SLC45A4: variants seen among roughly 807,000 people sequenced by gnomAD.
The protein encoded by SLC45A4 is solute carrier family 45 member 4.
SLC45A4 carries 32 observed loss-of-function variants against 63.7 expected under a neutral mutation model. The observed-to-expected ratio is 0.50, with a 90% CI of 0.38 to 0.67. SLC45A4 has a LOEUF of 0.67. Among genes scored for constraint, SLC45A4 ranks in the 30% least tolerant of loss-of-function variants. The pLI is 0.00. For missense variants in SLC45A4, 1,027 were observed against 1,157.7 expected, an observed-to-expected ratio of 0.89 and a Z score of 1.64; for synonymous variants, 535 against 510.0, an observed-to-expected ratio of 1.05 and a Z score of -0.66.
chr8:141,271,186 A>G (rs953166597), intron 1 of SLC45A4, among the ~76,000 whole-genome samples: 5 of 152,218 alleles, frequency 3.3e-5, no homozygotes, highest in African/African-American at 1.2e-4. Flanking sequence ...AACTGAGCTT[A>G]CTGGAAGAGC....
At chr8:141,212,587 G>C in intron 7 of SLC45A4, 31 bp from the exon 8 acceptor site, 1 of 1,562,806 alleles carries the variant, frequency 6.4e-7, no homozygotes, top group Non-Finnish European at 8.7e-7. Flanking sequence ...GGCGGTGAGC[G>C]GCTGGAGAAG....
intron 1 of SLC45A4, among the ~76,000 whole-genome samples, chr8:141,282,217 G>C (rs1829978885): frequency 1.3e-5 from 2 of 152,176 alleles, no homozygotes; most frequent in South Asian, 4.1e-4. Flanking sequence ...TAGAAACAGA[G>C]CCCGGGAGGC....
intron 1 of SLC45A4, among the ~76,000 whole-genome samples, chr8:141,298,738 G>A: frequency 6.6e-6 from 1 of 152,186 alleles, no homozygotes; most frequent in East Asian, 1.9e-4. Context: ...GAGGGGTGTG[G>A]GAACTAGCAT....
At position 141,221,681 on chromosome 8, in the gene SLC45A4, C is replaced by G. The variant is rs1480763946; in HGVS notation, c.326G>C (p.Ser109Thr). 4.3e-6 allele frequency: 7 copies of G among 1,614,126 alleles called. No individual in the cohort carries two copies. Among genetic ancestry groups the G allele is most frequent in the Non-Finnish European group, 5.1e-6 (6 of 1,180,038 alleles). The change falls in exon 3 of 9, where the codon AGT becomes ACT. Residue 109 changes from serine (S) to threonine (T), a missense_variant. Transcript: ENST00000517878. ...GCCCCAGCTCAGGGTGCACCGGTCA[C>G]TCGCAGACCCAATGAGAGGTGTGAA... ...LIFTPLIGSA[S>T]DRCTLSWGRR...
intron 1 of SLC45A4, among the ~76,000 whole-genome samples, chr8:141,271,929 AC>A (rs1323833467): frequency 6.6e-6 from 1 of 152,122 alleles, no homozygotes; most frequent in Non-Finnish European, 1.5e-5. Flanking sequence ...TGTGCAACAC[AC>A]ACCTGCATTC....
At chr8:141,289,146 A>C (rs918285639) in intron 1 of SLC45A4, among the ~76,000 whole-genome samples, 4 of 152,186 alleles carry the variant, frequency 2.6e-5, no homozygotes, top group African/African-American at 9.7e-5. Flanking sequence ...AGGCGGTGCC[A>C]GGGAACAGTG....
At position 141,209,888 on chromosome 8, in the gene SLC45A4, T is replaced by C. The variant is rs1254517584; in HGVS notation, c.*1684A>G. The C allele has an allele frequency of 1.3e-5, 2 of 152,290 alleles. No homozygotes were observed. The highest frequency in any genetic ancestry group is 3.8e-4 in the East Asian group (2 of 5,202). 9.4% of individuals were successfully genotyped at this position (152,290 alleles called of 1,614,324 possible). On this transcript the variant is annotated 3_prime_UTR_variant, in exon 9 of 9. Transcript: ENST00000517878. ...AGTCGCAGCCAGGCCCTGAGACTTC[T>C]GCACTCCCAGCTGGCGAGGAATCGG...
chr8:141,290,449 T>C (rs998503540), intron 1 of SLC45A4, among the ~76,000 whole-genome samples: 9 of 152,242 alleles, frequency 5.9e-5, no homozygotes, highest in African/African-American at 1.2e-4. Flanking sequence ...TTGGACAACC[T>C]TGACTTTCCG....
At chr8:141,214,339 G>A (rs1383282466) in intron 7 of SLC45A4, among the ~76,000 whole-genome samples, 1 of 152,188 alleles carries the variant, frequency 6.6e-6, no homozygotes, top group African/African-American at 2.4e-5. Context: ...TAACAGGTAC[G>A]AAGGATCAGG....
rs1432276372 is a variant in SLC45A4, at chr8:141,256,559, A to G, written c.-400-1930T>C. The G allele has an allele frequency of 4.4e-6, 2 of 456,082 alleles. No homozygotes were observed. The highest frequency in any genetic ancestry group is 1.5e-5 in the South Asian group (1 of 64,574). 28.3% of individuals were successfully genotyped at this position (456,082 alleles called of 1,614,324 possible). ...GAGGGAGAAGACTCCGCTGTACAGGAGGTTCTGGAAGGAAGCCGTGCGCCT... is the reference window on the plus strand; with the variant it reads ...GAGGGAGAAGACTCCGCTGTACAGGGGGTTCTGGAAGGAAGCCGTGCGCCT... On this transcript the variant is annotated intron_variant, in intron 1 of 8. Coordinates refer to ENST00000517878, the MANE Select transcript of SLC45A4 (RefSeq NM_001286646.2). The surrounding 1 kb of genome is among the most constrained non-coding windows in gnomAD (Gnocchi z 4.3).
At chr8:141,262,741 T>C (rs1287320184) in intron 1 of SLC45A4, among the ~76,000 whole-genome samples, 6 of 151,886 alleles carry the variant, frequency 4.0e-5, no homozygotes, top group Non-Finnish European at 8.8e-5. Flanking sequence ...TGTGGAGAAA[T>C]AGGAACACTT....
chr8:141,298,933 G>A (rs976914941), intron 1 of SLC45A4, among the ~76,000 whole-genome samples: 2 of 152,168 alleles, frequency 1.3e-5, no homozygotes, highest in South Asian at 2.1e-4. Context: ...TGAGCAGTGC[G>A]ACCCAGTGGC....
rs149531005 is a variant in SLC45A4, at chr8:141,248,346, T to C, written c.241+5643A>G. On this transcript the variant is annotated intron_variant, in intron 2 of 8. Transcript: ENST00000517878. Reference sequence around the variant, plus strand: ...GCACTCTGGGACTCAGGCAGGAGGATCACTTGAGCCCTGGAGTTCTAGACC... The same window carrying C: ...GCACTCTGGGACTCAGGCAGGAGGACCACTTGAGCCCTGGAGTTCTAGACC... Among the ~76,000 whole-genome samples the C allele has an allele frequency of 1.6e-4, 24 of 152,230 alleles. No individual in the cohort carries two copies. In the East Asian group the frequency reaches 4.6e-3, roughly 29 times the overall value.
chr8:141,284,473 TA>T (rs1182061971), intron 1 of SLC45A4, among the ~76,000 whole-genome samples: 1 of 152,210 alleles, frequency 6.6e-6, no homozygotes, highest in East Asian at 1.9e-4. Context: ...CTGGTGTCTA[TA>T]AAAAATGTTT....
intron 1 of SLC45A4, among the ~76,000 whole-genome samples, chr8:141,281,495 G>A (rs1829944198): frequency 6.6e-6 from 1 of 152,234 alleles, no homozygotes; most frequent in Admixed American, 6.5e-5. Context: ...AGGCTCTCAC[G>A]GACAGAGCGG....
At position 141,209,883 on chromosome 8, in the gene SLC45A4, A is replaced by T. The variant is rs1451865135; in HGVS notation, c.*1689T>A. 6.6e-6 allele frequency: 1 copy of T among 152,180 alleles called. No homozygotes were observed. The highest frequency in any genetic ancestry group is 1.9e-4 in the East Asian group (1 of 5,186). 9.4% of individuals were successfully genotyped at this position (152,180 alleles called of 1,614,324 possible). ...AATCAAGTCGCAGCCAGGCCCTGAG[A>T]CTTCTGCACTCCCAGCTGGCGAGGA... On this transcript the variant is annotated 3_prime_UTR_variant, in exon 9 of 9. Coordinates refer to ENST00000517878, the MANE Select transcript of SLC45A4 (RefSeq NM_001286646.2).
In SLC45A4 at chr8:141,278,575, G is replaced by A. The variant is rs111561368; in HGVS notation, c.-400-23946C>T. Among the ~76,000 whole-genome samples, 625 of 152,316 alleles carry A rather than the reference G, an allele frequency of 4.1e-3. 5 individuals carry two copies. Among genetic ancestry groups the A allele is most frequent in the African/African-American group, 0.014 (584 of 41,548 alleles). ...TGAGCACCTGCAGTGGAGGTGGGGC[G>A]GGCAGCCGAAGGAGAGACAGGCCTC... is the stretch of plus-strand genomic sequence containing the variant. On this transcript the variant is annotated intron_variant, in intron 1 of 8. Transcript: ENST00000517878. This position sits in a 1 kb window ranked among gnomAD's most constrained non-coding sequence, Gnocchi z 4.1.
At chr8:141,212,682 A>AC in intron 7 of SLC45A4, 126 bp from the exon 8 acceptor site, 1 of 1,186,960 alleles carries the variant, frequency 8.4e-7, no homozygotes, top group Non-Finnish European at 1.2e-6. Context: ...TCTCTTGGCA[A>AC]CCACTCCTGC....
At chr8:141,282,721 G>A (rs926919603) in intron 1 of SLC45A4, among the ~76,000 whole-genome samples, 5 of 152,378 alleles carry the variant, frequency 3.3e-5, no homozygotes, top group African/African-American at 1.2e-4. Flanking sequence ...TCCCGGGGCT[G>A]GCACTGCCTT....
Sources: allele counts gnomAD v4.1 joint callset (sites outside exome capture counted in the v4.1 genomes callset), GRCh38; gene constraint gnomAD v4.1.1; non-coding constraint Gnocchi (gnomAD v3.1); transcripts MANE v1.5; gene names NCBI Gene and HGNC (gene_info 2026-07-23, HGNC 2026-07-21).